VDAC1: variants seen among roughly 807,000 people sequenced by gnomAD.
The protein encoded by VDAC1 is voltage dependent anion channel 1.
A neutral mutation model predicts 34.7 loss-of-function variants in VDAC1; 10 were observed. The ratio of observed to expected loss-of-function variants is 0.29; its 90% CI spans 0.18 to 0.49. The LOEUF (loss-of-function observed/expected upper bound fraction) is 0.49, where lower values mean the gene tolerates loss of function less well. Ranked by LOEUF, VDAC1 falls within the 20% of genes least tolerant of loss-of-function variation. VDAC1 has a pLI of 0.99. For missense variants in VDAC1, 230 were observed against 347.9 expected (o/e 0.66, Z 2.69); for synonymous variants, 130 against 136.0 (o/e 0.96, Z 0.30).
chr5:134,019,085 T>C, the VDAC1 span, among the ~76,000 whole-genome samples: 1 of 152,096 alleles, frequency 6.6e-6, no homozygotes, highest in African/African-American at 2.4e-5. Context: ...AAAATGTGAC[T>C]GTTAGGATAA....
Position 133,991,005 on chromosome 5 carries a change from A to T in VDAC1, c.267T>A (p.Asp89Glu). 6.2e-7 allele frequency: 1 copy of T among 1,614,088 alleles called. No individual in the cohort carries two copies. The highest frequency in any genetic ancestry group is 8.5e-7 in the Non-Finnish European group (1 of 1,179,976). ...ATCTTTTCACAGCAGCCATTACCTG[A>T]TCTTCCACAGTAATCTCGGTGCCTA... ...NTLGTEITVE[D>E]QLARGLKLTF... is the part of the protein sequence containing the mutation. Residue 89 changes from aspartate (D) to glutamate (E), a missense_variant, in exon 4 of 9, where the codon GAT (aspartate) becomes GAA (glutamate). By Grantham distance (45) the Asp-to-Glu change is conservative (BLOSUM62 2). Coordinates refer to ENST00000265333, the MANE Select transcript of VDAC1 (RefSeq NM_003374.3).
At chr5:134,106,555 G>A in the VDAC1 span, among the ~76,000 whole-genome samples, 6 of 152,012 alleles carry the variant, frequency 3.9e-5, no homozygotes, top group South Asian at 2.1e-4. Flanking sequence ...TTACAGGTGC[G>A]CGCCTCCACA....
chr5:134,015,348 G>A, the VDAC1 span, among the ~76,000 whole-genome samples: 335 of 152,084 alleles, frequency 2.2e-3, 1 homozygote, highest in Middle Eastern at 0.017. Flanking sequence ...ATCTGCACAC[G>A]TAACCCCTGA....
chr5:133,987,451 G>A (rs1274835290), intron 5 of VDAC1, among the ~76,000 whole-genome samples: 2 of 152,222 alleles, frequency 1.3e-5, no homozygotes, highest in African/African-American at 4.8e-5. Flanking sequence ...GCTGAGACGG[G>A]TGGATCGCTT....
chr5:133,999,266 G>A (rs1753447539), intron 1 of VDAC1, among the ~76,000 whole-genome samples: 1 of 152,216 alleles, frequency 6.6e-6, no homozygotes, highest in Non-Finnish European at 1.5e-5. Flanking sequence ...GGGTGGCCAT[G>A]GGTCTCCAAG....
chr5:134,057,199 G>C, the VDAC1 span, among the ~76,000 whole-genome samples: 1 of 152,170 alleles, frequency 6.6e-6, no homozygotes, highest in Non-Finnish European at 1.5e-5. Context: ...CCAAGTGAAG[G>C]CTGGGCACGG....
chr5:134,106,906 C>G, the VDAC1 span, among the ~76,000 whole-genome samples: 1 of 152,186 alleles, frequency 6.6e-6, no homozygotes, highest in Admixed American at 6.5e-5. Flanking sequence ...AAAGTTGAAG[C>G]CTGTGAGGGG....
At chr5:134,105,760 G>A in the VDAC1 span, among the ~76,000 whole-genome samples, 1 of 152,226 alleles carries the variant, frequency 6.6e-6, no homozygotes, top group South Asian at 2.1e-4. Flanking sequence ...GGCCATCTGG[G>A]GTGGCCCTGC....
the VDAC1 span, among the ~76,000 whole-genome samples, chr5:134,113,062 G>A: frequency 6.6e-6 from 1 of 152,224 alleles, no homozygotes; most frequent in African/African-American, 2.4e-5. Context: ...AGGAGTTGAG[G>A]TGGCGGAGGC....
upstream of VDAC1, among the ~76,000 whole-genome samples, chr5:134,007,429 C>T (rs1012293667): frequency 2.0e-4 from 31 of 152,152 alleles, no homozygotes; most frequent in South Asian, 2.1e-4. Flanking sequence ...AGCAAGTTCC[C>T]GTCTCAAGAA....
the VDAC1 span, among the ~76,000 whole-genome samples, chr5:134,032,607 G>T: frequency 6.6e-5 from 10 of 152,156 alleles, no homozygotes; most frequent in Non-Finnish European, 1.3e-4. Flanking sequence ...ACCCCACAAT[G>T]GAGTAGTATG....
chr5:134,010,677 G>A, the VDAC1 span, among the ~76,000 whole-genome samples: 1 of 152,254 alleles, frequency 6.6e-6, no homozygotes, highest in African/African-American at 2.4e-5. Flanking sequence ...TCTATGTTCA[G>A]TATTACTTCA....
the VDAC1 span, among the ~76,000 whole-genome samples, chr5:134,029,211 A>G: frequency 1.3e-5 from 2 of 152,218 alleles, no homozygotes; most frequent in Admixed American, 1.3e-4. Flanking sequence ...GCCCCAGCGA[A>G]GCCTTCAGAT....
chr5:134,104,032 C>T, the VDAC1 span, among the ~76,000 whole-genome samples: 2 of 152,174 alleles, frequency 1.3e-5, no homozygotes, highest in Admixed American at 6.5e-5. Flanking sequence ...GGGACCCACC[C>T]GGCCCACCCT....
intron 1 of VDAC1, among the ~76,000 whole-genome samples, chr5:133,996,087 G>C (rs1753292526): frequency 6.6e-6 from 1 of 152,230 alleles, no homozygotes; most frequent in African/African-American, 2.4e-5. Context: ...CGGCAAAGCA[G>C]CTAGCCCTGG....
chr5:134,085,436 A>G, the VDAC1 span, among the ~76,000 whole-genome samples: 1 of 152,078 alleles, frequency 6.6e-6, no homozygotes, highest in Non-Finnish European at 1.5e-5. Context: ...GTCTTTGAAC[A>G]TGCCTGGTCT....
the VDAC1 span, among the ~76,000 whole-genome samples, chr5:134,050,069 T>C: frequency 6.6e-6 from 1 of 151,972 alleles, no homozygotes; most frequent in Non-Finnish European, 1.5e-5. Context: ...GCCAACATGG[T>C]GAAACTCCGT....
chr5:134,066,279 G>A, the VDAC1 span, among the ~76,000 whole-genome samples: 1 of 152,132 alleles, frequency 6.6e-6, no homozygotes, highest in South Asian at 2.1e-4. Context: ...TGAGATTACA[G>A]GCATGAGCCA....
At chr5:134,095,514 A>AATCAATC in the VDAC1 span, among the ~76,000 whole-genome samples, 328 of 147,192 alleles carry the variant, frequency 2.2e-3, 1 homozygote, top group African/African-American at 8.7e-3. Context: ...ATAAATAAAT[A>AATCAATC]AATAAATAAA....
Sources: allele counts gnomAD v4.1 joint callset (sites outside exome capture counted in the v4.1 genomes callset), GRCh38; gene constraint gnomAD v4.1.1; transcripts MANE v1.5; gene names NCBI Gene and HGNC (gene_info 2026-07-23, HGNC 2026-07-21).